TUSC3: variants seen among roughly 807,000 people sequenced by gnomAD.
TUSC3 encodes the protein dolichyl-diphosphooligosaccharide--protein glycosyltransferase subunit TUSC3.
A neutral mutation model predicts 44.8 loss-of-function variants in TUSC3; 45 were observed. The observed-to-expected ratio is 1.00, with a 90% confidence interval of 0.79 to 1.29. The LOEUF (loss-of-function observed/expected upper bound fraction) is 1.29. TUSC3 is among the 50% of genes most tolerant of loss of function. The pLI is 0.00. For missense variants in TUSC3, 519 were observed against 437.9 expected, an observed-to-expected ratio of 1.19 and a Z score of -1.65; for synonymous variants, 212 against 152.9, an observed-to-expected ratio of 1.39 and a Z score of -2.85.
the TUSC3 span, among the ~76,000 whole-genome samples, chr8:15,809,842 C>T: frequency 2.0e-5 from 3 of 152,160 alleles, no homozygotes; most frequent in Admixed American, 1.3e-4. Flanking sequence ...TGCCAGACTT[C>T]TCCTTGCCTT....
intron 2 of TUSC3, among the ~76,000 whole-genome samples, chr8:15,505,528 A>G (rs1013100760): frequency 2.0e-5 from 3 of 152,166 alleles, no homozygotes; most frequent in Admixed American, 2.0e-4. Flanking sequence ...TTCTGTTGCC[A>G]TACTAGTTGA....
At chr8:15,835,035 T>C in the TUSC3 span, among the ~76,000 whole-genome samples, 4 of 152,200 alleles carry the variant, frequency 2.6e-5, no homozygotes, top group African/African-American at 9.6e-5. Context: ...ACTTTATGTC[T>C]CATTTACAAC....
intron 1 of TUSC3, among the ~76,000 whole-genome samples, chr8:15,453,056 A>G (rs1009138702): frequency 3.9e-5 from 6 of 152,300 alleles, no homozygotes; most frequent in African/African-American, 1.4e-4. Flanking sequence ...AGTATCTAGG[A>G]TTAAACGCAA....
At chr8:15,659,477 T>TGGGGG (rs1563158565) in intron 3 of TUSC3, 30 bp from the exon 4 acceptor site, 3 of 1,606,166 alleles carry the variant, frequency 1.9e-6, no homozygotes, top group Non-Finnish European at 1.7e-6. Context: ...GATGATCCTA[T>TGGGGG]ATTTAGTATT....
rs1434800365 is a variant in TUSC3 at position 15,544,821 on chromosome 8, A to T, written c.138+4253A>T. ...ATGCACAGAATATATAGGTGCAGGC[A>T]ATGTGATTTCACTTAGGTTAGATTG... On this transcript the variant is annotated intron_variant, in intron 1 of 10. Coordinates refer to ENST00000503731, the MANE Select transcript of TUSC3 (RefSeq NM_006765.4). 2.0e-5 allele frequency among the ~76,000 whole-genome samples: 3 copies of T among 151,822 alleles called. No homozygotes were observed. In the East Asian group the frequency reaches 5.8e-4, roughly 30 times the overall value.
At chr8:15,523,686 G>GTATA (rs1239992834) in intron 2 of TUSC3, among the ~76,000 whole-genome samples, 7 of 46,098 alleles carry the variant, frequency 1.5e-4, no homozygotes, top group South Asian at 5.9e-4. Context: ...GTGTGTGTGT[G>GTATA]TGTGTGTGTG....
Position 15,714,056 on chromosome 8 carries a change from C to T in TUSC3, c.799-16610C>T, listed in dbSNP as rs76638146. ...ATTACCTCTTCATTGAAGCTACAGA[C>T]GTCTTACACAATTAAGAACAACTTA... On this transcript the variant is annotated intron_variant, in intron 6 of 10. Coordinates refer to ENST00000503731, the MANE Select transcript of TUSC3 (RefSeq NM_006765.4). 2.8e-4 allele frequency among the ~76,000 whole-genome samples: 42 copies of T among 152,232 alleles called. No homozygotes were observed. In the East Asian group the frequency reaches 5.4e-3, roughly 20 times the overall value.
At chr8:15,428,324 A>C (rs1029119970) in intron 1 of TUSC3, among the ~76,000 whole-genome samples, 2 of 151,862 alleles carry the variant, frequency 1.3e-5, no homozygotes, top group Non-Finnish European at 1.5e-5. Flanking sequence ...GCTGCATAGT[A>C]TTCCATGGTG....
At chr8:15,748,956 G>T in intron 9 of TUSC3, 1 of 348,684 alleles carries the variant, frequency 2.9e-6, no homozygotes, top group Non-Finnish European at 5.5e-6. Flanking sequence ...TATCTCATAA[G>T]ATTTTCACCA....
chr8:15,498,614 A>G (rs949800945), intron 2 of TUSC3, among the ~76,000 whole-genome samples: 4 of 152,186 alleles, frequency 2.6e-5, no homozygotes, highest in African/African-American at 9.7e-5. Flanking sequence ...TTAGGTGGAG[A>G]GTTGGAAATA....
At chr8:15,482,828 C>T (rs1314531937) in intron 1 of TUSC3, among the ~76,000 whole-genome samples, 1 of 152,174 alleles carries the variant, frequency 6.6e-6, no homozygotes, top group Admixed American at 6.5e-5. Flanking sequence ...ATATTAATTG[C>T]AAGGTCTTTG....
chr8:15,694,444 A>C (rs1809065484), intron 6 of TUSC3, among the ~76,000 whole-genome samples: 1 of 94,148 alleles, frequency 1.1e-5, no homozygotes, highest in Admixed American at 1.0e-4. Flanking sequence ...CCAAAAAAAA[A>C]AAAAAAAAAA....
At chr8:15,817,079 CAGT>C in the TUSC3 span, among the ~76,000 whole-genome samples, 4 of 152,298 alleles carry the variant, frequency 2.6e-5, no homozygotes, top group African/African-American at 9.6e-5. Flanking sequence ...AATTTCCGTA[CAGT>C]CTGGTCGTTA....
intron 2 of TUSC3, among the ~76,000 whole-genome samples, chr8:15,504,599 ATATATATATATATATATATATATT>A (rs1278220057): frequency 7.5e-4 from 27 of 35,890 alleles, no homozygotes; most frequent in East Asian, 4.7e-3. Flanking sequence ...ATATATATAT[ATATATATATATATATATATATATT>A]TTTTTTTTTT....
chr8:15,696,525 C>T (rs1158716665), intron 6 of TUSC3, among the ~76,000 whole-genome samples: 3 of 152,154 alleles, frequency 2.0e-5, no homozygotes, highest in Non-Finnish European at 4.4e-5. Flanking sequence ...TGCTGGGACA[C>T]CGCCTCGTAG....
intron 1 of TUSC3, among the ~76,000 whole-genome samples, chr8:15,618,319 C>G (rs1302195064): frequency 6.6e-6 from 1 of 152,154 alleles, no homozygotes; most frequent in East Asian, 1.9e-4. Context: ...AACTTTTTGA[C>G]TCTTGTAATA....
At chr8:15,822,380 A>C in the TUSC3 span, among the ~76,000 whole-genome samples, 3 of 152,132 alleles carry the variant, frequency 2.0e-5, no homozygotes, top group Non-Finnish European at 4.4e-5. Context: ...TAGACTCCAT[A>C]AGGTCCCCTA....
rs988721659 is a variant in TUSC3, at chr8:15,725,599, A to T, written c.799-5067A>T. Among the ~76,000 whole-genome samples, 3 of 130,914 alleles carry T rather than the reference A, an allele frequency of 2.3e-5. No individual in the cohort carries two copies. The South Asian group carries it at 6.6e-4, about 29-fold the overall frequency. 85.9% of individuals were successfully genotyped at this position (130,914 alleles called of 152,430 possible). A position where few individuals can be genotyped will look rare whatever the true frequency, so the allele number is the denominator to read the frequency against. On this transcript the variant is annotated intron_variant, in intron 6 of 10. Transcript: ENST00000503731. ...ATTTGGAATCTCGTTTGAATCTTAG[A>T]TGACTGATGATGATGATGATGATGA...
intron 1 of TUSC3, among the ~76,000 whole-genome samples, chr8:15,483,059 A>G (rs1800683559): frequency 6.6e-6 from 1 of 152,238 alleles, no homozygotes; most frequent in Non-Finnish European, 1.5e-5. Context: ...AGAACATCAT[A>G]GAAAATATTC....
Sources: allele counts gnomAD v4.1 joint callset (sites outside exome capture counted in the v4.1 genomes callset), GRCh38; gene constraint gnomAD v4.1.1; transcripts MANE v1.5; gene names NCBI Gene and HGNC (gene_info 2026-07-23, HGNC 2026-07-21).